The following PALLD variants were observed in gnomAD, a reference collection of about 807,000 sequenced individuals.
PALLD encodes the protein palladin, cytoskeletal associated protein.
In PALLD, 61 loss-of-function variants were observed where a neutral mutation model predicts 123.5. That is an observed-to-expected ratio of 0.49 (90% confidence interval 0.40 to 0.61). The LOEUF (loss-of-function observed/expected upper bound fraction) is 0.61. PALLD is among the 20% of genes least tolerant of loss of function. PALLD has a pLI of 0.00. For synonymous variants in PALLD, 465 were observed against 496.4 expected (o/e 0.94, Z 0.84); for missense variants, 1,273 against 1,377.0 (o/e 0.92, Z 1.20).
At chr4:168,922,377 T>C (rs1165925449) in intron 18 of PALLD, among the ~76,000 whole-genome samples, 1 of 152,178 alleles carries the variant, frequency 6.6e-6, no homozygotes, top group Non-Finnish European at 1.5e-5. Flanking sequence ...TAACAAAACA[T>C]TTATTTCTTC....
intron 10 of PALLD, among the ~76,000 whole-genome samples, chr4:168,728,782 G>C (rs776710287): frequency 6.6e-6 from 1 of 151,930 alleles, no homozygotes; most frequent in Non-Finnish European, 1.5e-5. Flanking sequence ...GTGGTAATTC[G>C]TGAGATCTTG....
intron 10 of PALLD, among the ~76,000 whole-genome samples, chr4:168,850,523 CTTTTTTTTTT>C (rs767777801): frequency 3.8e-3 from 132 of 34,720 alleles, no homozygotes; most frequent in Admixed American, 0.013. Context: ...TCTGTCATTT[CTTTTTTTTTT>C]TTTTTTTTTT....
intron 10 of PALLD, among the ~76,000 whole-genome samples, chr4:168,797,198 G>T (rs1489944715): frequency 1.3e-5 from 2 of 151,408 alleles, no homozygotes; most frequent in Non-Finnish European, 2.9e-5. Flanking sequence ...GATGAGCAAA[G>T]AAAAAAAGAA....
chr4:168,744,288 C>T (rs1788646772), intron 10 of PALLD, among the ~76,000 whole-genome samples: 1 of 152,174 alleles, frequency 6.6e-6, no homozygotes, highest in Non-Finnish European at 1.5e-5. Context: ...TTCTCTGCTT[C>T]TGTTTGTATT....
At chr4:168,713,990 A>G (rs888455859) in intron 10 of PALLD, among the ~76,000 whole-genome samples, 2 of 121,270 alleles carry the variant, frequency 1.6e-5, no homozygotes, top group Admixed American at 1.9e-4. Flanking sequence ...ATGTTTAAAC[A>G]TATTCTTAGG....
chr4:168,588,430 G>GTC (rs1771064765), intron 2 of PALLD, among the ~76,000 whole-genome samples: 1 of 151,758 alleles, frequency 6.6e-6, no homozygotes, highest in Non-Finnish European at 1.5e-5. Context: ...TTGAGACAGA[G>GTC]TCTCACTCTG....
chr4:168,576,656 T>G (rs1019751031), intron 2 of PALLD, among the ~76,000 whole-genome samples: 2 of 152,178 alleles, frequency 1.3e-5, no homozygotes, highest in African/African-American at 4.8e-5. Context: ...TTGGGTTGGT[T>G]CCAAGTCTTT....
At chr4:168,499,180 CAAAAAAAAAAA>C (rs1157137965) in intron 1 of PALLD, among the ~76,000 whole-genome samples, 1 of 16,382 alleles carries the variant, frequency 6.1e-5, no homozygotes, top group Non-Finnish European at 1.0e-4. Context: ...CCCTTTGTAG[CAAAAAAAAAAA>C]AAAAAAAAAA....
chr4:168,509,965 G>C (rs1409410409), intron 1 of PALLD, among the ~76,000 whole-genome samples: 1 of 152,154 alleles, frequency 6.6e-6, no homozygotes, highest in African/African-American at 2.4e-5. Context: ...TCTTAGATGG[G>C]AAGATACTTC....
At chr4:168,878,405 G>C in intron 10 of PALLD, 2 of 1,473,336 alleles carry the variant, frequency 1.4e-6, no homozygotes, top group South Asian at 2.6e-5. Flanking sequence ...GTGAGTAACC[G>C]CCGCGGTCCT....
intron 10 of PALLD, among the ~76,000 whole-genome samples, chr4:168,764,435 C>A (rs548202679): frequency 6.6e-6 from 1 of 152,164 alleles, no homozygotes; most frequent in East Asian, 1.9e-4. Context: ...GAAACAGGAT[C>A]TTTCTATGTT....
chr4:168,518,596 G>C (rs771000727), intron 2 of PALLD, among the ~76,000 whole-genome samples: 1 of 152,036 alleles, frequency 6.6e-6, no homozygotes, highest in Non-Finnish European at 1.5e-5. Context: ...TCTCTCCCCA[G>C]ATATCTGCAG....
At chr4:168,712,855 C>G (rs1337234793) in intron 10 of PALLD, among the ~76,000 whole-genome samples, 1 of 152,070 alleles carries the variant, frequency 6.6e-6, no homozygotes, top group East Asian at 1.9e-4. Flanking sequence ...CTTTATTTCC[C>G]TAGCATTGAC....
At chr4:168,593,865 A>C (rs1376559064) in intron 2 of PALLD, among the ~76,000 whole-genome samples, 1 of 152,180 alleles carries the variant, frequency 6.6e-6, no homozygotes, top group Non-Finnish European at 1.5e-5. Context: ...ATACCATTGC[A>C]ATTCTAATGA....
chr4:168,499,158 T>A (rs1247557704), intron 1 of PALLD, among the ~76,000 whole-genome samples: 2 of 112,452 alleles, frequency 1.8e-5, no homozygotes, highest in African/African-American at 7.0e-5. Flanking sequence ...GTTTGACTTT[T>A]GCCCTAAAGG....
chr4:168,541,880 C>T (rs998562739), intron 2 of PALLD, among the ~76,000 whole-genome samples: 3 of 152,142 alleles, frequency 2.0e-5, no homozygotes, highest in African/African-American at 7.2e-5. Context: ...ATTTATTGAG[C>T]ACCTACTCAG....
intron 10 of PALLD, among the ~76,000 whole-genome samples, chr4:168,876,906 A>G (rs1026656803): frequency 2.6e-5 from 4 of 152,214 alleles, no homozygotes; most frequent in Admixed American, 2.0e-4. Context: ...TTTGAGTAAA[A>G]GAGTGAGATA....
chr4:168,598,274 T>C (rs1772188373), intron 2 of PALLD: 21 of 418,674 alleles, frequency 5.0e-5, no homozygotes, highest in South Asian at 4.4e-4. Flanking sequence ...CTCACCAAAA[T>C]ATTCTACAAG....
chr4:168,514,990 T>C (rs1284369378), intron 2 of PALLD, among the ~76,000 whole-genome samples: 2 of 152,224 alleles, frequency 1.3e-5, no homozygotes, highest in Non-Finnish European at 1.5e-5. Context: ...TATTCTGCAG[T>C]CTATGAAAGT....
Sources: allele counts gnomAD v4.1 joint callset (sites outside exome capture counted in the v4.1 genomes callset), GRCh38; gene constraint gnomAD v4.1.1; transcripts MANE v1.5; gene names NCBI Gene and HGNC (gene_info 2026-07-23, HGNC 2026-07-21).